MMP26: variants seen among roughly 807,000 people sequenced by gnomAD.
The protein encoded by MMP26 is matrix metallopeptidase 26, also known as matrix metalloproteinase-26.
MMP26 carries 33 observed loss-of-function variants against 31.0 expected under a neutral mutation model. The ratio of observed to expected loss-of-function variants is 1.06; its 90% confidence interval spans 0.81 to 1.42. The LOEUF (loss-of-function observed/expected upper bound fraction) is 1.42, where lower values mean the gene tolerates loss of function less well. MMP26 is among the 40% of genes most tolerant of loss of function. MMP26 has a pLI of 0.00. For missense variants in MMP26, 347 were observed against 316.1 expected, an observed-to-expected ratio of 1.10 and a Z score of -0.74; for synonymous variants, 122 against 114.9, an observed-to-expected ratio of 1.06 and a Z score of -0.40.
At position 4,991,843 on chromosome 11, in the gene MMP26, C is replaced by G. The variant is rs1847008593; in HGVS notation, c.596-121C>G. ...CCTCCTTGCCTACCTTTTCCTTTAC[C>G]CTGTAACATTTGCCCTTTCCTCGTT... On this transcript the variant is annotated intron_variant, in intron 6 of 7. Transcript: ENST00000380390. 1.9e-5 allele frequency: 18 copies of G among 924,246 alleles called. No individual in the cohort carries two copies. The South Asian group carries it at 3.6e-4, about 18-fold the overall frequency. 57.3% of individuals were successfully genotyped at this position (924,246 alleles called of 1,614,324 possible).
chr11:4,946,859 G>C, intron 2 of MMP26: 2 of 1,595,066 alleles, frequency 1.3e-6, no homozygotes, highest in Non-Finnish European at 1.7e-6. Context: ...TAACACAGTG[G>C]GCAGAGATGA....
chr11:4,963,231 G>A (rs1054101308), intron 2 of MMP26, among the ~76,000 whole-genome samples: 1 of 152,010 alleles, frequency 6.6e-6, no homozygotes, highest in Admixed American at 6.6e-5. Flanking sequence ...AAGGAAATAA[G>A]AGAGGACACA....
intron 2 of MMP26, among the ~76,000 whole-genome samples, chr11:4,929,517 A>C (rs905338506): frequency 6.6e-6 from 1 of 152,208 alleles, no homozygotes; most frequent in African/African-American, 2.4e-5. Flanking sequence ...AAAAGTGCTT[A>C]TGCACAGCTG....
At chr11:4,916,890 C>T (rs1327545268) in intron 2 of MMP26, among the ~76,000 whole-genome samples, 1 of 152,156 alleles carries the variant, frequency 6.6e-6, no homozygotes, top group Non-Finnish European at 1.5e-5. Context: ...AGGTCATGTC[C>T]AGGAGAGCCC....
Position 4,953,882 on chromosome 11 carries a change from T to C in MMP26, c.-144-34186T>C, listed in dbSNP as rs1316131709. Among the ~76,000 whole-genome samples, 5 of 124,626 alleles carry C rather than the reference T, an allele frequency of 4.0e-5. 1 individual carries two copies. The highest frequency in any genetic ancestry group is 7.3e-5 in the Non-Finnish European group (4 of 55,112). The allele number at this position is 124,626 out of a possible 152,430, so 81.8% of individuals were successfully genotyped here. A position where few individuals can be genotyped will look rare whatever the true frequency, so the allele number is the denominator to read the frequency against. ...ACCTGGCCAACATGGTGAAACCCTG[T>C]CTCTACAAAAAATACAAAAATCAGC... On this transcript the variant is annotated intron_variant, in intron 2 of 7. Coordinates refer to ENST00000380390, the MANE Select transcript of MMP26 (RefSeq NM_021801.5).
intron 2 of MMP26, among the ~76,000 whole-genome samples, chr11:4,858,176 T>C (rs1008732349): frequency 2.0e-5 from 3 of 152,138 alleles, no homozygotes; most frequent in Non-Finnish European, 2.9e-5. Flanking sequence ...AAGACAGGGA[T>C]GCCCTCTCAC....
At chr11:4,740,175 A>G (rs1189614094) in intron 1 of MMP26, among the ~76,000 whole-genome samples, 1 of 145,660 alleles carries the variant, frequency 6.9e-6, no homozygotes, top group African/African-American at 2.7e-5. Flanking sequence ...AAATAAAAAT[A>G]AGATCCTTAT....
intron 2 of MMP26, chr11:4,907,611 T>C (rs7108225): frequency 0.11 from 171,171 of 1,613,840 alleles, 10,187 homozygotes; most frequent in Non-Finnish European, 0.12. Context: ...CTTCCTACCA[T>C]GTTGAGGGTC....
chr11:4,991,423 C>G lies in MMP26; in HGVS notation c.522C>G (p.Ala174=). Residue 174 remains alanine (A), a synonymous_variant, in exon 6 of 8, where the codon GCC becomes GCG. Coordinates refer to ENST00000380390, the MANE Select transcript of MMP26 (RefSeq NM_021801.5). ...GGCCAGGTGGTATCTTAGGCCATGCCTTTTTACCAAATTCTGGAAATCCTG... is the reference window on the plus strand; with the variant it reads ...GGCCAGGTGGTATCTTAGGCCATGCGTTTTTACCAAATTCTGGAAATCCTG... ...FDGPGGILGH[A]FLPNSGNPGV... 1.2e-6 allele frequency: 2 copies of G among 1,614,026 alleles called. No individual in the cohort carries two copies. Among genetic ancestry groups the G allele is most frequent in the Non-Finnish European group, 1.7e-6 (2 of 1,179,910 alleles).
rs1589946616 is a variant in MMP26, at chr11:4,943,744, T to C, written c.-144-44324T>C. 6 of 364,762 alleles carry C rather than the reference T, an allele frequency of 1.6e-5. 1 individual carries two copies. The highest frequency in any genetic ancestry group is 1.0e-4 in the Admixed American group (3 of 29,056). The allele number at this position is 364,762 out of a possible 1,614,324, so 22.6% of individuals were successfully genotyped here. A position where few individuals can be genotyped will look rare whatever the true frequency, so the allele number is the denominator to read the frequency against. ...GTTGAGATTTTAATCCTCCAAAAACTACATTCTTCATTTCAGAAATATGTG... is the reference window on the plus strand; with the variant it reads ...GTTGAGATTTTAATCCTCCAAAAACCACATTCTTCATTTCAGAAATATGTG... On this transcript the variant is annotated intron_variant, in intron 2 of 7. Transcript: ENST00000380390.
intron 1 of MMP26, chr11:4,737,008 G>A: frequency 6.5e-6 from 1 of 154,056 alleles, no homozygotes; most frequent in Non-Finnish European, 1.4e-5. Flanking sequence ...ACAGCAGAAG[G>A]GGATGGAGAT....
At position 4,923,667 on chromosome 11, in the gene MMP26, G is replaced by A. The variant is rs200001303; in HGVS notation, c.-144-64401G>A. On this transcript the variant is annotated intron_variant, in intron 2 of 7. Transcript: ENST00000380390. ...TGGGAGGCAATGCTGAGCACGGTGC[G>A]AAGGATGAGGGCGTATGAGAGAAAG... 1.0e-4 allele frequency: 168 copies of A among 1,613,876 alleles called. 1 individual carries two copies. The highest frequency in any genetic ancestry group is 1.3e-4 in the Non-Finnish European group (157 of 1,179,950).
At chr11:4,867,129 C>G (rs1036055339) in intron 2 of MMP26, among the ~76,000 whole-genome samples, 2 of 152,074 alleles carry the variant, frequency 1.3e-5, no homozygotes, top group African/African-American at 4.8e-5. Flanking sequence ...AAGAAACTAT[C>G]AACAGAGAAA....
rs79772945 is a variant in MMP26, at chr11:4,788,999, G to C, written c.-145+21658G>C. On this transcript the variant is annotated intron_variant, in intron 2 of 7. Coordinates refer to ENST00000380390, the MANE Select transcript of MMP26 (RefSeq NM_021801.5). ...CAAGCCTGCATGGTAGAGAATAAGA[G>C]CCTGATTCTCTCTTTGTGATTTTCC... Among the ~76,000 whole-genome samples the C allele has an allele frequency of 1.2e-3, 176 of 152,264 alleles. No individual in the cohort carries two copies. In the East Asian group the frequency reaches 0.022, roughly 19 times the overall value.
At chr11:4,778,028 A>G (rs1354998934) in intron 2 of MMP26, among the ~76,000 whole-genome samples, 1 of 152,092 alleles carries the variant, frequency 6.6e-6, no homozygotes, top group African/African-American at 2.4e-5. Context: ...GATATGGCCA[A>G]AAAGTTTTCC....
At chr11:4,897,604 C>G (rs75562713) in intron 2 of MMP26, among the ~76,000 whole-genome samples, 8,768 of 152,032 alleles carry the variant, frequency 0.058, 350 homozygotes, top group South Asian at 0.2. Context: ...CAAATAAAAT[C>G]AAGTATGTTT....
At chr11:4,769,181 T>C in intron 2 of MMP26, 8 of 1,614,074 alleles carry the variant, frequency 5.0e-6, no homozygotes, top group Non-Finnish European at 6.8e-6. Context: ...TGCTCCCACA[T>C]GGGAGACACA....
At chr11:4,788,375 G>A (rs906963609) in intron 2 of MMP26, among the ~76,000 whole-genome samples, 3 of 151,882 alleles carry the variant, frequency 2.0e-5, no homozygotes, top group Non-Finnish European at 2.9e-5. Flanking sequence ...AGAATTGAGG[G>A]TTCTAGTTGC....
At chr11:4,958,653 T>A (rs749730191) in intron 2 of MMP26, among the ~76,000 whole-genome samples, 9 of 152,218 alleles carry the variant, frequency 5.9e-5, no homozygotes, top group Non-Finnish European at 1.2e-4. Context: ...TTCTTTCTCC[T>A]GTATCTTTTC....
Sources: allele counts gnomAD v4.1 joint callset (sites outside exome capture counted in the v4.1 genomes callset), GRCh38; gene constraint gnomAD v4.1.1; transcripts MANE v1.5; gene names NCBI Gene and HGNC (gene_info 2026-07-23, HGNC 2026-07-21).